The following TOMM70 variants were observed in gnomAD, a reference collection of about 807,000 sequenced individuals.
The protein encoded by TOMM70 is mitochondrial import receptor subunit TOM70.
Under a neutral mutation model 73.6 loss-of-function variants are expected in TOMM70, and 13 were observed. That is an observed-to-expected ratio of 0.18 (90% CI 0.11 to 0.28). TOMM70 has a LOEUF of 0.28. Ranked by LOEUF, TOMM70 falls within the 10% of genes least tolerant of loss-of-function variation. The probability of loss-of-function intolerance (pLI) is 1.00; values close to 1 mark genes in which losing one functional copy is unlikely to be tolerated. For missense variants in TOMM70, 609 were observed against 747.5 expected, an observed-to-expected ratio of 0.81 and a Z score of 2.16; for synonymous variants, 257 against 271.2, an observed-to-expected ratio of 0.95 and a Z score of 0.51.
At chr3:100,378,783 G>T (rs993180944) in intron 5 of TOMM70, among the ~76,000 whole-genome samples, 2 of 152,226 alleles carry the variant, frequency 1.3e-5, no homozygotes, top group East Asian at 3.9e-4. Flanking sequence ...GAGGTGGGCG[G>T]ATCACGAGGT....
intron 4 of TOMM70, among the ~76,000 whole-genome samples, chr3:100,382,596 CTG>C (rs2148891978): frequency 6.6e-6 from 1 of 152,210 alleles, no homozygotes; most frequent in East Asian, 1.9e-4. Flanking sequence ...ACTAAAGACA[CTG>C]AGAATAAATA....
In TOMM70 at chr3:100,384,482, A is replaced by G. The variant is rs745905041; in HGVS notation, c.732T>C (p.Tyr244=). ...LLGKEKAKEK[Y]KNREPLMPSP... ...TCCCCAAATCAGATCAATTTACCTT[A>G]TATTTTTCTTTGGCTTTCTCTTTTC... Residue 244 remains tyrosine, a synonymous_variant, in exon 4 of 12, where the codon TAT becomes TAC. Coordinates refer to ENST00000284320, the MANE Select transcript of TOMM70 (RefSeq NM_014820.5). The G allele has an allele frequency of 1.9e-6, 3 of 1,600,902 alleles. No homozygotes were observed. The highest frequency in any genetic ancestry group is 3.5e-5 in the Admixed American group (2 of 57,522).
At chr3:100,397,969 C>CGTGGAAAA (rs58719358) in intron 1 of TOMM70, among the ~76,000 whole-genome samples, 109,659 of 151,306 alleles carry the variant, frequency 0.72, 40,389 homozygotes, top group East Asian at 0.93. Flanking sequence ...ATCCAGACAA[C>CGTGGAAAA]GTGGAAAAGA....
rs527719256 is a variant in TOMM70 at position 100,386,094 on chromosome 3, G to A, written c.625+124C>T. 620 of 1,070,600 alleles carry A rather than the reference G, an allele frequency of 5.8e-4. 2 individuals carry two copies. The highest frequency in any genetic ancestry group is 8.0e-4 in the Non-Finnish European group (604 of 754,818). The allele number at this position is 1,070,600 out of a possible 1,614,324, so 66.3% of individuals were successfully genotyped here. A position where few individuals can be genotyped will look rare whatever the true frequency, so the allele number is the denominator to read the frequency against. ...TTTAAACTAGAAGACACAATCTTAA[G>A]TGCAAAGGAATCCAACTTTTAAAAA... On this transcript the variant is annotated intron_variant, in intron 3 of 11. Transcript: ENST00000284320.
chr3:100,365,557 C>T lies in TOMM70; in HGVS notation c.*7G>A. 1 of 1,614,124 alleles carries T rather than the reference C, an allele frequency of 6.2e-7. No individual in the cohort carries two copies. The highest frequency in any genetic ancestry group is 8.5e-7 in the Non-Finnish European group (1 of 1,179,984). On this transcript the variant is annotated 3_prime_UTR_variant, in exon 12 of 12. Transcript: ENST00000284320. Reference sequence around the variant, plus strand: ...TAAAAAGAGGGTCAGTCTGCTTTCCCCCTGTTTTATAATGTTGGTGGTTTT... The same window carrying T: ...TAAAAAGAGGGTCAGTCTGCTTTCCTCCTGTTTTATAATGTTGGTGGTTTT...
intron 1 of TOMM70, among the ~76,000 whole-genome samples, chr3:100,389,781 C>T (rs1015370675): frequency 3.9e-5 from 6 of 152,216 alleles, no homozygotes; most frequent in African/African-American, 1.4e-4. Flanking sequence ...GTGGCTCACG[C>T]CTGTAATCCC....
intron 5 of TOMM70, among the ~76,000 whole-genome samples, chr3:100,380,660 T>G (rs1706623146): frequency 6.6e-6 from 1 of 152,216 alleles, no homozygotes. Context: ...GGACTATTTC[T>G]TAACCAGAAG....
In TOMM70 at chr3:100,373,557, G is replaced by A; in HGVS notation, c.1316C>T (p.Ala439Val). The change falls in exon 8 of 12, where the codon GCA becomes GTA. Residue 439 changes from alanine (A) to valine (V), a missense_variant. Physicochemically the swap from Ala to Val is moderately conservative, Grantham distance 64. Coordinates refer to ENST00000284320, the MANE Select transcript of TOMM70 (RefSeq NM_014820.5). Reference protein sequence around the residue: ...RLRPESALAQAQKCFALYRQA... With the variant: ...RLRPESALAQVQKCFALYRQA... ...ACCTACCAATGCAAAACATTTCTGT[G>A]CTTGTGCCAGAGCAGACTCAGGTCT... 1 of 1,608,680 alleles carries A rather than the reference G, an allele frequency of 6.2e-7. No homozygotes were observed. The highest frequency in any genetic ancestry group is 8.5e-7 in the Non-Finnish European group (1 of 1,177,928).
chr3:100,387,080 T>G (rs1334150285), intron 1 of TOMM70, 102 bp from the exon 2 acceptor site: 2 of 1,197,210 alleles, frequency 1.7e-6, no homozygotes, highest in East Asian at 4.8e-5. Context: ...ACAGAATGGC[T>G]GTTTACAATG....
Position 100,395,669 on chromosome 3 carries a change from C to T in TOMM70, c.324+4957G>A, listed in dbSNP as rs115686733. Among the ~76,000 whole-genome samples, 726 of 148,564 alleles carry T rather than the reference C, an allele frequency of 4.9e-3. 4 individuals are homozygous for T. The highest frequency in any genetic ancestry group is 0.018 in the African/African-American group (691 of 38,930). The stretch of plus-strand genomic sequence containing the variant: ...CTTGTGAAATTTATATATACATACA[C>T]ACACACATATATAAAATATAAACTT... On this transcript the variant is annotated intron_variant, in intron 1 of 11. Coordinates refer to ENST00000284320, the MANE Select transcript of TOMM70 (RefSeq NM_014820.5).
intron 7 of TOMM70, 52 bp downstream of exon 7, chr3:100,374,966 G>C: frequency 6.9e-7 from 1 of 1,457,226 alleles, no homozygotes; most frequent in Non-Finnish European, 9.1e-7. Context: ...CTCAAAAATG[G>C]TATCAAAGCT....
At chr3:100,378,130 A>C (rs1234615603) in intron 5 of TOMM70, among the ~76,000 whole-genome samples, 1 of 151,872 alleles carries the variant, frequency 6.6e-6, no homozygotes, top group Non-Finnish European at 1.5e-5. Flanking sequence ...TGTATCCCAG[A>C]TACTTAGGAG....
chr3:100,393,196 T>C (rs968551099), intron 1 of TOMM70, among the ~76,000 whole-genome samples: 9 of 145,976 alleles, frequency 6.2e-5, no homozygotes, highest in African/African-American at 2.3e-4. Flanking sequence ...AAAAAAAAGA[T>C]AGGGAACCAA....
chr3:100,373,525 AAGT>A lies in TOMM70; in HGVS notation c.1335+10_1335+12del. ...GTGATGTTTAGGAAAATACAAAAGA[AAGT>A]AGTACCTACCAATGCAAAACATTTC... On this transcript the variant is annotated intron_variant, in intron 8 of 11. Coordinates refer to ENST00000284320, the MANE Select transcript of TOMM70 (RefSeq NM_014820.5). 4 of 1,585,334 alleles carry A rather than the reference AAGT, an allele frequency of 2.5e-6. No individual in the cohort carries two copies. The highest frequency in any genetic ancestry group is 3.4e-6 in the Non-Finnish European group (4 of 1,166,354).
chr3:100,390,370 G>A (rs1356367808), intron 1 of TOMM70, among the ~76,000 whole-genome samples: 1 of 152,172 alleles, frequency 6.6e-6, no homozygotes, highest in Non-Finnish European at 1.5e-5. Context: ...CAATGTTTTA[G>A]TCAATAACAG....
At chr3:100,377,601 C>G in intron 6 of TOMM70, 104 bp downstream of exon 6, 1 of 1,070,148 alleles carries the variant, frequency 9.3e-7, no homozygotes, top group Admixed American at 2.2e-5. Context: ...CAAAAACAGC[C>G]CTTTGAAGAA....
chr3:100,372,912 T>C (rs1706526440), intron 8 of TOMM70, among the ~76,000 whole-genome samples, 190 bp from the exon 9 acceptor site: 1 of 152,122 alleles, frequency 6.6e-6, no homozygotes, highest in Admixed American at 6.5e-5. Flanking sequence ...CAACTAGGAC[T>C]CCATGGCCAC....
intron 6 of TOMM70, 80 bp from the exon 7 acceptor site, chr3:100,375,232 C>G: frequency 1.4e-6 from 2 of 1,444,876 alleles, no homozygotes; most frequent in Non-Finnish European, 1.8e-6. Flanking sequence ...CAGCTTTTTT[C>G]TATAATCCAC....
chr3:100,385,311 A>G (rs1380812483), intron 3 of TOMM70, among the ~76,000 whole-genome samples: 1 of 152,192 alleles, frequency 6.6e-6, no homozygotes, highest in African/African-American at 2.4e-5. Context: ...TAGTAACTTC[A>G]AGGTCTGGTT....
Sources: gnomAD v4.1 joint callset for allele counts (sites outside exome capture counted in the v4.1 genomes callset) on GRCh38, gnomAD v4.1.1 for gene constraint, MANE v1.5 for transcripts, NCBI Gene and HGNC (gene_info 2026-07-23, HGNC 2026-07-21) for gene names.